The following TLN2 variants were observed in gnomAD, a reference collection of about 807,000 sequenced individuals.
The protein encoded by TLN2 is talin 2, also known as talin-2.
TLN2 carries 118 observed loss-of-function variants against 294.7 expected under a neutral mutation model. The observed-to-expected ratio is 0.40, with a 90% CI of 0.34 to 0.47. The LOEUF (loss-of-function observed/expected upper bound fraction) is 0.47, where lower values mean the gene tolerates loss of function less well. TLN2 is among the 20% of genes least tolerant of loss of function. The pLI is 0.84. For synonymous variants in TLN2, 1,431 were observed against 1,304.5 expected (o/e 1.10, Z -2.09); for missense variants, 3,083 against 3,282.2 (o/e 0.94, Z 1.48).
intron 1 of TLN2, among the ~76,000 whole-genome samples, chr15:62,409,730 T>C (rs2033648266): frequency 6.6e-6 from 1 of 152,192 alleles, no homozygotes; most frequent in Non-Finnish European, 1.5e-5. Flanking sequence ...GCATGCATAT[T>C]TCAAAAATTG....
chr15:62,592,568 G>T (rs1187947131), intron 2 of TLN2, among the ~76,000 whole-genome samples: 1 of 152,208 alleles, frequency 6.6e-6, no homozygotes, highest in Non-Finnish European at 1.5e-5. Flanking sequence ...AGTATATAAA[G>T]TCTGAATAAA....
At chr15:62,833,676 C>A (rs2069123540) in intron 55 of TLN2, 47 bp downstream of exon 55, 1 of 1,586,106 alleles carries the variant, frequency 6.3e-7, no homozygotes, top group Admixed American at 1.8e-5. Context: ...CGTACGAGAG[C>A]CTCAGGGGGC....
intron 2 of TLN2, among the ~76,000 whole-genome samples, chr15:62,596,163 G>A (rs547849609): frequency 6.6e-5 from 10 of 151,412 alleles, no homozygotes; most frequent in Admixed American, 5.3e-4. Flanking sequence ...TACTCTGGAG[G>A]CTGAGGCAGG....
chr15:62,585,796 G>A (rs1291990485), intron 1 of TLN2, among the ~76,000 whole-genome samples: 1 of 152,148 alleles, frequency 6.6e-6, no homozygotes, highest in Admixed American at 6.5e-5. Context: ...AAACAGGTAG[G>A]TGTGTTTCCA....
intron 26 of TLN2, among the ~76,000 whole-genome samples, chr15:62,722,733 C>G (rs1282096228): frequency 6.6e-6 from 1 of 152,164 alleles, no homozygotes; most frequent in Admixed American, 6.5e-5. Flanking sequence ...GTACTTCCTC[C>G]TCCTCCTCCT....
At chr15:62,532,213 TGTC>T (rs2041082745) in intron 1 of TLN2, among the ~76,000 whole-genome samples, 1 of 151,964 alleles carries the variant, frequency 6.6e-6, no homozygotes, top group Non-Finnish European at 1.5e-5. Context: ...CCATGCCTAA[TGTC>T]GTGGGTTGTT....
Position 62,657,922 on chromosome 15 carries a change from T to TTTTCTCTTTTCTCCTGTCTTC in TLN2, c.788+34_788+54dup, listed in dbSNP as rs1401305531. Reference sequence around the variant, plus strand: ...GAGTAAATGACATTTTGTTTCTCTTTTTTCTCTTTTCTCCTGTCTTCTTTC... The same window carrying TTTTCTCTTTTCTCCTGTCTTC: ...GAGTAAATGACATTTTGTTTCTCTTTTTTCTCTTTTCTCCTGTCTTCTTTCTCTTTTCTCCTGTCTTCTTTC... On this transcript the variant is annotated intron_variant, in intron 9 of 58. Transcript: ENST00000636159. 6.2e-6 allele frequency: 10 copies of TTTTCTCTTTTCTCCTGTCTTC among 1,602,836 alleles called. No homozygotes were observed. The African/African-American group carries it at 1.1e-4, about 17-fold the overall frequency.
chr15:62,484,728 C>T (rs1264298741), intron 1 of TLN2, among the ~76,000 whole-genome samples: 1 of 152,084 alleles, frequency 6.6e-6, no homozygotes, highest in African/African-American at 2.4e-5. Flanking sequence ...CCTGGCTGGA[C>T]CGAGGTTTTT....
At chr15:62,712,175 T>C in intron 22 of TLN2, 98 bp downstream of exon 22, 1 of 1,462,102 alleles carries the variant, frequency 6.8e-7, no homozygotes, top group Non-Finnish European at 9.2e-7. Context: ...CGAGTGTGCA[T>C]TTTTGTTTGC....
chr15:62,798,700 G>T (rs1219551278), intron 48 of TLN2, among the ~76,000 whole-genome samples: 1 of 152,194 alleles, frequency 6.6e-6, no homozygotes, highest in Non-Finnish European at 1.5e-5. Context: ...GCCCCCAGGG[G>T]ATGCAGTGAC....
At chr15:62,391,202 C>T (rs1189278134) in intron 1 of TLN2, among the ~76,000 whole-genome samples, 1 of 152,256 alleles carries the variant, frequency 6.6e-6, no homozygotes, top group African/African-American at 2.4e-5. Flanking sequence ...ACAAGTCTCC[C>T]GCCGAGGCTC....
chr15:62,686,751 C>T lies in TLN2; in HGVS notation c.1068C>T (p.Leu356=), dbSNP rs2057322631. ...AGGAAGTGCTGCAGGAGTGGCCCCT[C>T]ACCACCGTCAAGCGCTGGGCAGCCT... ...KTKEVLQEWP[L]TTVKRWAASP... Residue 356 remains leucine (L), a synonymous_variant, in exon 12 of 59, where the codon CTC becomes CTT. Coordinates refer to ENST00000636159, the MANE Select transcript of TLN2 (RefSeq NM_015059.3). 6.2e-7 allele frequency: 1 copy of T among 1,613,612 alleles called. No homozygotes were observed. Among genetic ancestry groups the T allele is most frequent in the African/African-American group, 1.3e-5 (1 of 74,894 alleles).
At chr15:62,749,431 C>A (rs1441296688) in intron 33 of TLN2, among the ~76,000 whole-genome samples, 1 of 152,254 alleles carries the variant, frequency 6.6e-6, no homozygotes, top group African/African-American at 2.4e-5. Flanking sequence ...GGTGCCAGTA[C>A]TCCGTCCCTT....
chr15:62,747,874 A>G (rs2061700887), intron 32 of TLN2, among the ~76,000 whole-genome samples: 1 of 152,226 alleles, frequency 6.6e-6, no homozygotes, highest in South Asian at 2.1e-4. Flanking sequence ...TGATAAGAGA[A>G]AATGTACTTT....
intron 1 of TLN2, among the ~76,000 whole-genome samples, chr15:62,406,177 T>C (rs1262229569): frequency 6.6e-6 from 1 of 152,232 alleles, no homozygotes; most frequent in Non-Finnish European, 1.5e-5. Context: ...AGAAATTTAC[T>C]GTGTCAGTTC....
chr15:62,756,637 G>C (rs933201887), intron 37 of TLN2, among the ~76,000 whole-genome samples: 1 of 152,172 alleles, frequency 6.6e-6, no homozygotes, highest in Non-Finnish European at 1.5e-5. Context: ...CATTCAGATA[G>C]GAGGTTTGGC....
chr15:62,711,878 C>A (rs565085687), intron 21 of TLN2, 33 bp from the exon 22 acceptor site: 3 of 1,575,872 alleles, frequency 1.9e-6, no homozygotes, highest in East Asian at 4.5e-5. Context: ...GAAAAGCAGA[C>A]AAACAGACCT....
intron 11 of TLN2, among the ~76,000 whole-genome samples, chr15:62,678,111 TA>T (rs2056438371): frequency 6.6e-6 from 1 of 152,180 alleles, no homozygotes; most frequent in Admixed American, 6.5e-5. Context: ...TTGCAACTTC[TA>T]TATACATATT....
At chr15:62,705,590 C>A (rs972708485) in intron 19 of TLN2, among the ~76,000 whole-genome samples, 1 of 152,178 alleles carries the variant, frequency 6.6e-6, no homozygotes, top group African/African-American at 2.4e-5. Context: ...GTGACCAAAT[C>A]CTGGCCCCCC....
Sources: gnomAD v4.1 joint callset for allele counts (sites outside exome capture counted in the v4.1 genomes callset) on GRCh38, gnomAD v4.1.1 for gene constraint, MANE v1.5 for transcripts, NCBI Gene and HGNC (gene_info 2026-07-23, HGNC 2026-07-21) for gene names.